COL8A1: variants seen among roughly 807,000 people sequenced by gnomAD.
The protein encoded by COL8A1 is collagen type VIII alpha 1 chain, also known as collagen alpha-1(VIII) chain.
COL8A1 carries 21 observed loss-of-function variants against 42.7 expected under a neutral mutation model. The observed-to-expected ratio is 0.49, with a 90% CI of 0.35 to 0.71. The LOEUF is 0.71. Ranked by LOEUF, COL8A1 falls within the 30% of genes least tolerant of loss-of-function variation. The probability of loss-of-function intolerance (pLI) is 0.01; values close to 1 mark genes in which losing one functional copy is unlikely to be tolerated. For synonymous variants in COL8A1, 367 were observed against 369.1 expected (o/e 0.99, Z 0.06); for missense variants, 788 against 962.4 (o/e 0.82, Z 2.40).
At chr3:99,705,907 T>C (rs774726169) in intron 1 of COL8A1, among the ~76,000 whole-genome samples, 5 of 152,218 alleles carry the variant, frequency 3.3e-5, no homozygotes, top group South Asian at 4.1e-4. Flanking sequence ...TAAGTAATAA[T>C]ACCTACTTTT....
chr3:99,660,042 C>T (rs1363594015), intron 1 of COL8A1, among the ~76,000 whole-genome samples: 1 of 152,210 alleles, frequency 6.6e-6, no homozygotes, highest in African/African-American at 2.4e-5. Flanking sequence ...TGTGGAAGCA[C>T]CAAGCCCAGC....
At chr3:99,743,523 C>T (rs1461335363) in intron 1 of COL8A1, among the ~76,000 whole-genome samples, 3 of 152,146 alleles carry the variant, frequency 2.0e-5, no homozygotes, top group South Asian at 4.2e-4. Context: ...TCAAGTACTT[C>T]CTCATTTTGT....
chr3:99,669,227 A>G (rs925068905), intron 1 of COL8A1, among the ~76,000 whole-genome samples: 1 of 151,440 alleles, frequency 6.6e-6, no homozygotes, highest in East Asian at 1.9e-4. Context: ...TATCTGCCAC[A>G]TAAATTTACA....
At chr3:99,731,833 G>C (rs1176308835) in intron 1 of COL8A1, among the ~76,000 whole-genome samples, 1 of 152,152 alleles carries the variant, frequency 6.6e-6, no homozygotes, top group African/African-American at 2.4e-5. Flanking sequence ...TTCAGATATG[G>C]AGGTCAGATG....
At chr3:99,680,141 C>T (rs1226094034) in intron 1 of COL8A1, 1 of 151,958 alleles carries the variant, frequency 6.6e-6, no homozygotes, top group African/African-American at 2.4e-5. Flanking sequence ...GCTATCCCTC[C>T]CACCTCCCCC....
chr3:99,792,188 G>A (rs115547246), intron 3 of COL8A1, among the ~76,000 whole-genome samples: 6,314 of 152,204 alleles, frequency 0.041, 171 homozygotes, highest in Middle Eastern at 0.092. Flanking sequence ...TTCTCTTTAG[G>A]AGCTAGTATT....
chr3:99,715,795 G>C (rs767966131), intron 1 of COL8A1, among the ~76,000 whole-genome samples: 2 of 151,950 alleles, frequency 1.3e-5, no homozygotes. Flanking sequence ...TGATTTTATT[G>C]CATCACTCGC....
intron 1 of COL8A1, among the ~76,000 whole-genome samples, chr3:99,661,968 A>C (rs1160382735): frequency 6.6e-6 from 1 of 152,116 alleles, no homozygotes; most frequent in African/African-American, 2.4e-5. Flanking sequence ...GGAAGGAGGA[A>C]ATGGGGAGTT....
intron 2 of COL8A1, among the ~76,000 whole-genome samples, chr3:99,755,860 C>T (rs979834202): frequency 5.5e-4 from 84 of 152,206 alleles, no homozygotes; most frequent in African/African-American, 2.0e-3. Context: ...GTCTTGCAGG[C>T]TGTGGAGGGG....
intron 2 of COL8A1, among the ~76,000 whole-genome samples, chr3:99,785,975 GTAAA>G (rs1316906642): frequency 1.3e-5 from 2 of 152,066 alleles, no homozygotes; most frequent in Non-Finnish European, 2.9e-5. Flanking sequence ...AAAGAATATC[GTAAA>G]TAAAGAATTC....
intron 1 of COL8A1, among the ~76,000 whole-genome samples, chr3:99,647,382 GA>G (rs1288847434): frequency 6.6e-6 from 1 of 152,126 alleles, no homozygotes; most frequent in African/African-American, 2.4e-5. Flanking sequence ...AAACCCAGGG[GA>G]AACAGGAACA....
Position 99,775,997 on chromosome 3 carries a change from T to C in COL8A1, c.-3-14683T>C, listed in dbSNP as rs1576472584. The stretch of plus-strand genomic sequence containing the variant: ...TACAATTCTGGAACTTTAATAGAAA[T>C]TTCAGGCACACAGCAGACCTATGGA... On this transcript the variant is annotated intron_variant, in intron 2 of 3. Coordinates refer to ENST00000652472, the MANE Select transcript of COL8A1 (RefSeq NM_020351.4). Among the ~76,000 whole-genome samples the C allele has an allele frequency of 4.6e-5, 7 of 152,316 alleles. 1 individual carries two copies. The South Asian group carries it at 1.4e-3, about 32-fold the overall frequency.
chr3:99,648,040 ATCATT>A (rs1228762868), intron 1 of COL8A1, among the ~76,000 whole-genome samples: 1 of 152,242 alleles, frequency 6.6e-6, no homozygotes, highest in Non-Finnish European at 1.5e-5. Context: ...ATTCAAACAC[ATCATT>A]AATGGTTATA....
At chr3:99,640,363 G>A (rs1347820421) in intron 1 of COL8A1, among the ~76,000 whole-genome samples, 1 of 152,122 alleles carries the variant, frequency 6.6e-6, no homozygotes, top group Admixed American at 6.5e-5. Flanking sequence ...CAAGTATGTG[G>A]CACATTCAAG....
intron 2 of COL8A1, among the ~76,000 whole-genome samples, chr3:99,774,565 T>C (rs1455857531): frequency 6.6e-6 from 1 of 152,028 alleles, no homozygotes; most frequent in East Asian, 1.9e-4. Context: ...CAGCATGAGA[T>C]TGTAAAAATG....
chr3:99,673,631 T>C (rs1323031572), intron 1 of COL8A1, among the ~76,000 whole-genome samples: 1 of 152,112 alleles, frequency 6.6e-6, no homozygotes, highest in African/African-American at 2.4e-5. Context: ...TTTTTATTAT[T>C]TTATTTTCCT....
At chr3:99,659,779 C>T (rs1371551772) in intron 1 of COL8A1, among the ~76,000 whole-genome samples, 1 of 152,074 alleles carries the variant, frequency 6.6e-6, no homozygotes, top group Non-Finnish European at 1.5e-5. Context: ...AGAATAAACA[C>T]TCGATTTCTG....
rs1419731876 is a variant in COL8A1, at chr3:99,791,063, A to G, written c.328+53A>G. The G allele has an allele frequency of 3.4e-6, 5 of 1,485,044 alleles. No individual in the cohort carries two copies. The African/African-American group carries it at 7.0e-5, about 21-fold the overall frequency. 92.0% of individuals were successfully genotyped at this position (1,485,044 alleles called of 1,614,324 possible). A position where few individuals can be genotyped will look rare whatever the true frequency, so the allele number is the denominator to read the frequency against. On this transcript the variant is annotated intron_variant, in intron 3 of 3. Coordinates refer to ENST00000652472, the MANE Select transcript of COL8A1 (RefSeq NM_020351.4). ...AAACAACAGCTTTCCAAATCTCTAA[A>G]TTATGGGATCAGAGGGGGAAGATAA...
intron 1 of COL8A1, among the ~76,000 whole-genome samples, chr3:99,727,765 C>T (rs1940380112): frequency 6.6e-6 from 1 of 151,906 alleles, no homozygotes; most frequent in South Asian, 2.1e-4. Flanking sequence ...AAACCGAATC[C>T]AGCAGCACAT....
Sources: gnomAD v4.1 joint callset for allele counts (sites outside exome capture counted in the v4.1 genomes callset) on GRCh38, gnomAD v4.1.1 for gene constraint, MANE v1.5 for transcripts, NCBI Gene and HGNC (gene_info 2026-07-23, HGNC 2026-07-21) for gene names.